MTIF2: variants seen among roughly 807,000 people sequenced by gnomAD.
MTIF2 encodes the protein translation initiation factor IF-2, mitochondrial.
In MTIF2, 71 loss-of-function variants were observed where a neutral mutation model predicts 83.5. The observed-to-expected ratio is 0.85, with a 90% CI of 0.70 to 1.04. The LOEUF (loss-of-function observed/expected upper bound fraction) is 1.04. MTIF2 is among the 50% of genes least tolerant of loss of function. The probability of loss-of-function intolerance (pLI) is 0.00; values close to 1 mark genes in which losing one functional copy is unlikely to be tolerated. For missense variants in MTIF2, 957 were observed against 846.5 expected, an observed-to-expected ratio of 1.13 and a Z score of -1.62; for synonymous variants, 319 against 287.1, an observed-to-expected ratio of 1.11 and a Z score of -1.12.
At chr2:55,263,506 A>AG (rs1196023722) in intron 4 of MTIF2, 134 bp downstream of exon 4, 9 of 636,112 alleles carry the variant, frequency 1.4e-5, no homozygotes, top group African/African-American at 3.7e-5. Context: ...GCTACTCAGG[A>AG]GGCTGAGGCA....
intron 10 of MTIF2, among the ~76,000 whole-genome samples, 182 bp downstream of exon 10, chr2:55,246,155 T>C (rs1676681734): frequency 6.6e-6 from 1 of 152,254 alleles, no homozygotes; most frequent in Non-Finnish European, 1.5e-5. Flanking sequence ...GGTCTACTGA[T>C]AATAACTGCA....
In MTIF2 at chr2:55,240,248, G is replaced by A; in HGVS notation, c.1706-73C>T. The stretch of plus-strand genomic sequence containing the variant: ...TAATCATTTATTTGTCTTTCAAGCA[G>A]AAACTTGAATCTAAATTGTTTTATT... On this transcript the variant is annotated intron_variant, in intron 13 of 15. Coordinates refer to ENST00000263629, the MANE Select transcript of MTIF2 (RefSeq NM_002453.3). 3.0e-6 allele frequency: 4 copies of A among 1,338,776 alleles called. 1 individual carries two copies. The South Asian group carries it at 5.6e-5, about 19-fold the overall frequency. 82.9% of individuals were successfully genotyped at this position (1,338,776 alleles called of 1,614,324 possible). A position where few individuals can be genotyped will look rare whatever the true frequency, so the allele number is the denominator to read the frequency against.
chr2:55,251,178 G>A (rs1445346554), intron 8 of MTIF2, among the ~76,000 whole-genome samples: 1 of 151,256 alleles, frequency 6.6e-6, no homozygotes. Flanking sequence ...GAACTTAACC[G>A]GTACCAAGAG....
chr2:55,241,131 A>G (rs1409406193), intron 13 of MTIF2, among the ~76,000 whole-genome samples: 1 of 152,054 alleles, frequency 6.6e-6, no homozygotes, highest in Non-Finnish European at 1.5e-5. Flanking sequence ...GAAAAAAATT[A>G]ACCTGGACGG....
chr2:55,245,385 G>A (rs1177453334), intron 10 of MTIF2, among the ~76,000 whole-genome samples: 1 of 152,098 alleles, frequency 6.6e-6, no homozygotes, highest in Non-Finnish European at 1.5e-5. Context: ...AGCCAGGCAT[G>A]GTGGTGGGTG....
At chr2:55,266,836 C>T (rs1212269826) in intron 3 of MTIF2, among the ~76,000 whole-genome samples, 1 of 141,256 alleles carries the variant, frequency 7.1e-6, no homozygotes, top group African/African-American at 2.6e-5. Flanking sequence ...GGTGTGATCT[C>T]AGCCCACTGC....
Position 55,265,632 on chromosome 2 carries a change from C to A in MTIF2, c.-7-1767G>T, listed in dbSNP as rs554655116. Among the ~76,000 whole-genome samples, 4 of 152,032 alleles carry A rather than the reference C, an allele frequency of 2.6e-5. 1 individual carries two copies. Among genetic ancestry groups the A allele is most frequent in the African/African-American group, 9.6e-5 (4 of 41,510 alleles). Reference sequence around the variant, plus strand: ...TCTTTTACTCACTACTCAAAAATAACTTTAGTTAACATTTTAATATATATA... The same window carrying A: ...TCTTTTACTCACTACTCAAAAATAAATTTAGTTAACATTTTAATATATATA... On this transcript the variant is annotated intron_variant, in intron 3 of 15. Coordinates refer to ENST00000263629, the MANE Select transcript of MTIF2 (RefSeq NM_002453.3).
Position 55,236,672 on chromosome 2 carries a change from C to G in MTIF2, c.2160G>C (p.Lys720Asn). 6.3e-7 allele frequency: 1 copy of G among 1,596,474 alleles called. No homozygotes were observed. Among genetic ancestry groups the G allele is most frequent in the African/African-American group, 1.4e-5 (1 of 73,912 alleles). The change falls in exon 16 of 16, where the codon AAG (lysine) becomes AAC (asparagine). Residue 720 changes from lysine (K) to asparagine (N), a missense_variant. Lys to Asn is a moderately conservative substitution (Grantham distance 94, BLOSUM62 0). Coordinates refer to ENST00000263629, the MANE Select transcript of MTIF2 (RefSeq NM_002453.3). ...VCYEEKQIQA[K>N]TSWDPGF ...TTTAAAATCCTGGATCCCAAGAAGT[C>G]TTGGCTTGAATTTGCTTTTCTTCAT...
intron 8 of MTIF2, 44 bp downstream of exon 8, chr2:55,252,433 C>A (rs372336845): frequency 7.6e-6 from 12 of 1,575,174 alleles, no homozygotes; most frequent in Non-Finnish European, 1.0e-5. Flanking sequence ...GGCCCCAGAA[C>A]TTTGACTTTA....
intron 13 of MTIF2, 44 bp from the exon 14 acceptor site, chr2:55,240,219 A>G: frequency 2.1e-6 from 3 of 1,459,164 alleles, no homozygotes; most frequent in Non-Finnish European, 2.8e-6. Context: ...CAACGATTAC[A>G]TTATAATCAT....
chr2:55,242,236 A>G lies in MTIF2; in HGVS notation c.1705+704T>C, dbSNP rs547597833. Among the ~76,000 whole-genome samples, 30 of 152,324 alleles carry G rather than the reference A, an allele frequency of 2.0e-4. No individual in the cohort carries two copies. In the South Asian group the frequency reaches 6.2e-3, roughly 32 times the overall value. Reference sequence around the variant, plus strand: ...GTGCTAAGCCAGTCAGTGCCTACCAAATACTTTTAATTAATCAGTTAGATG... The same window carrying G: ...GTGCTAAGCCAGTCAGTGCCTACCAGATACTTTTAATTAATCAGTTAGATG... On this transcript the variant is annotated intron_variant, in intron 13 of 15. Coordinates refer to ENST00000263629, the MANE Select transcript of MTIF2 (RefSeq NM_002453.3).
chr2:55,254,847 C>T, intron 5 of MTIF2, 22 bp from the exon 6 acceptor site: 1 of 1,428,178 alleles, frequency 7.0e-7, no homozygotes, highest in South Asian at 1.5e-5. Context: ...AAAATAAAAC[C>T]TTTTAGGATC....
In MTIF2 at chr2:55,256,012, G is replaced by A. The variant is rs1042656608; in HGVS notation, c.332-1187C>T. Among the ~76,000 whole-genome samples the A allele has an allele frequency of 2.6e-5, 4 of 152,094 alleles. No individual in the cohort carries two copies. The South Asian group carries it at 8.3e-4, about 32-fold the overall frequency. ...CTGCCTCAGCCCCCTGAGTAGCTGG[G>A]ACTGCAAGTGCACGCCACCATCCCT... On this transcript the variant is annotated intron_variant, in intron 5 of 15. Transcript: ENST00000263629.
chr2:55,263,825 G>C lies in MTIF2; in HGVS notation c.34C>G (p.Leu12Val). 1 of 1,613,850 alleles carries C rather than the reference G, an allele frequency of 6.2e-7. No homozygotes were observed. Among genetic ancestry groups the C allele is most frequent in the Non-Finnish European group, 8.5e-7 (1 of 1,179,970 alleles). Residue 12 changes from leucine (L) to valine (V), a missense_variant, in exon 4 of 16, where the codon CTA becomes GTA. Physicochemically the swap from Leu to Val is conservative, Grantham distance 32 (BLOSUM62 1). Around this residue, in one of 3 missense-constraint regions of MTIF2, gnomAD observed 733 missense variants for 648.7 expected, o/e 1.13. Coordinates refer to ENST00000263629, the MANE Select transcript of MTIF2 (RefSeq NM_002453.3). ...NQKLLKLENL[L>V]RFHTIYRQLH... ...TGCCTATAAATAGTGTGAAATCGTA[G>C]CAAGTTCTCCAACTTCAGTAGCTTC...
intron 7 of MTIF2, 25 bp downstream of exon 7, chr2:55,254,016 A>G (rs754723747): frequency 1.2e-6 from 2 of 1,611,488 alleles, no homozygotes; most frequent in South Asian, 2.2e-5. Context: ...TCCCAAGCAC[A>G]TTGTAAGGTA....
At position 55,243,103 on chromosome 2, in the gene MTIF2, A is replaced by C. The variant is rs537134435; in HGVS notation, c.1565-23T>G. 123 of 1,574,440 alleles carry C rather than the reference A, an allele frequency of 7.8e-5. 1 individual carries two copies. The South Asian group carries it at 1.4e-3, about 18-fold the overall frequency. Reference sequence around the variant, plus strand: ...CACCTAAATACAGAAAAAGTTTATAATTGTTGCTTTTAAGAGTTAGACATC... The same window carrying C: ...CACCTAAATACAGAAAAAGTTTATACTTGTTGCTTTTAAGAGTTAGACATC... On this transcript the variant is annotated intron_variant, in intron 12 of 15. Coordinates refer to ENST00000263629, the MANE Select transcript of MTIF2 (RefSeq NM_002453.3).
rs187241826 is a variant in MTIF2 at position 55,263,869 on chromosome 2, G to A, written c.-7-4C>T. 256 of 1,581,384 alleles carry A rather than the reference G, an allele frequency of 1.6e-4. No individual in the cohort carries two copies. In the African/African-American group the frequency reaches 2.8e-3, roughly 18 times the overall value. ...TAGCTTCTGGTTCATGTTTCTCCTG[G>A]GGAAAAAAAAAAGGTTTTAAAATAA... On this transcript the variant is annotated splice_region_variant and splice_polypyrimidine_tract_variant and intron_variant, in intron 3 of 15. Transcript: ENST00000263629.
In MTIF2 at chr2:55,265,130, C is replaced by A. The variant is rs539160128; in HGVS notation, c.-7-1265G>T. On this transcript the variant is annotated intron_variant, in intron 3 of 15. Transcript: ENST00000263629. The stretch of plus-strand genomic sequence containing the variant: ...TGGTGGCGGGCGCCTGCAATCCCAG[C>A]TACCCAGAAGGCTGAGGCAGGAGAA... 5.3e-5 allele frequency among the ~76,000 whole-genome samples: 8 copies of A among 151,624 alleles called. 1 individual carries two copies. The highest frequency in any genetic ancestry group is 1.7e-4 in the African/African-American group (7 of 41,338).
intron 14 of MTIF2, among the ~76,000 whole-genome samples, chr2:55,237,649 C>CTTTTTTTTTTTTTTTTT (rs536036933): frequency 4.4e-5 from 5 of 112,990 alleles, no homozygotes; most frequent in Non-Finnish European, 6.7e-5. Flanking sequence ...TTCTTTTTTT[C>CTTTTTTTTTTTTTTTTT]TTTTTTTTTT....
Sources: allele counts gnomAD v4.1 joint callset (sites outside exome capture counted in the v4.1 genomes callset), GRCh38; gene constraint gnomAD v4.1.1; regional missense constraint gnomAD v4.1.1; transcripts MANE v1.5; gene names NCBI Gene and HGNC (gene_info 2026-07-23, HGNC 2026-07-21).